TYK2: variants seen among roughly 807,000 people sequenced by gnomAD.
TYK2 encodes the protein tyrosine kinase 2.
TYK2 carries 65 observed loss-of-function variants against 130.9 expected under a neutral mutation model. The observed-to-expected ratio is 0.50, with a 90% CI of 0.41 to 0.61. The LOEUF is 0.61. Ranked by LOEUF, TYK2 falls within the 20% of genes least tolerant of loss-of-function variation. The pLI is 0.00. For missense variants in TYK2, 1,378 were observed against 1,610.7 expected (o/e 0.86, Z 2.47); for synonymous variants, 647 against 658.9 (o/e 0.98, Z 0.28).
rs766131781 is a variant in TYK2, at chr19:10,359,252, G to A, written c.2098C>T (p.Arg700Trp). 65 of 1,611,380 alleles carry A rather than the reference G, an allele frequency of 4.0e-5. No individual in the cohort carries two copies. The East Asian group carries it at 4.5e-4, about 11-fold the overall frequency. Residue 700 changes from arginine (R) to tryptophan (W), a missense_variant, in exon 15 of 25, where the codon CGG becomes TGG. Physicochemically the swap from Arg to Trp is moderately radical, Grantham distance 101 (BLOSUM62 -3). Transcript: ENST00000525621. ...ATGGGCACATGGCCCCGCTCCCTCC[G>A]CAGCCACACATCCAGGGGTCCGTGC... ...VEHGPLDVWLRRERGHVPMAW... is the reference protein window; with the variant it reads ...VEHGPLDVWLWRERGHVPMAW...
At position 10,354,029 on chromosome 19, in the gene TYK2, G is replaced by A. The variant is rs371551753; in HGVS notation, c.2908+13C>T. 1.4e-5 allele frequency: 22 copies of A among 1,613,618 alleles called. No homozygotes were observed. Among genetic ancestry groups the A allele is most frequent in the Non-Finnish European group, 1.9e-5 (22 of 1,179,820 alleles). On this transcript the variant is annotated intron_variant, in intron 20 of 24. Coordinates refer to ENST00000525621, the MANE Select transcript of TYK2 (RefSeq NM_003331.5). Reference sequence around the variant, plus strand: ...CCCCCTCAAGTCTCTAGGACTCGCCGGGTCCCGCCCACCTTGGTCCTCGCA... The same window carrying A: ...CCCCCTCAAGTCTCTAGGACTCGCCAGGTCCCGCCCACCTTGGTCCTCGCA...
chr19:10,362,012 C>T, intron 12 of TYK2, 57 bp from the exon 13 acceptor site: 2 of 1,613,380 alleles, frequency 1.2e-6, no homozygotes, highest in South Asian at 2.2e-5. Flanking sequence ...GCTGATCTCC[C>T]AGGGCCCCCA....
Position 10,361,247 on chromosome 19 carries a change from G to C in TYK2, c.2047+264C>G. 2 of 601,024 alleles carry C rather than the reference G, an allele frequency of 3.3e-6. No individual in the cohort carries two copies. Among genetic ancestry groups the C allele is most frequent in the East Asian group, 5.7e-5 (2 of 35,356 alleles). 37.2% of individuals were successfully genotyped at this position (601,024 alleles called of 1,614,324 possible). A position where few individuals can be genotyped will look rare whatever the true frequency, so the allele number is the denominator to read the frequency against. On this transcript the variant is annotated intron_variant, in intron 14 of 24. Coordinates refer to ENST00000525621, the MANE Select transcript of TYK2 (RefSeq NM_003331.5). This position sits in a 1 kb window ranked among gnomAD's most constrained non-coding sequence, Gnocchi z 4.0. ...TGTTTGGGAGGTTGATGGAAGTGGG[G>C]ATGTAGTTGGGAATCAGGGTGGGGG...
At chr19:10,373,610 C>T (rs1476546415) in intron 3 of TYK2, among the ~76,000 whole-genome samples, 2 of 152,038 alleles carry the variant, frequency 1.3e-5, no homozygotes, top group African/African-American at 2.4e-5. Context: ...GGATTACAGG[C>T]GTGACCCACT....
intron 17 of TYK2, chr19:10,357,400 C>T: frequency 1.5e-6 from 1 of 648,480 alleles, no homozygotes; most frequent in South Asian, 1.7e-5. Context: ...AAAATAAAAC[C>T]ACCACACTCA....
At chr19:10,376,044 C>G (rs1347373132) in intron 3 of TYK2, among the ~76,000 whole-genome samples, 1 of 144,554 alleles carries the variant, frequency 6.9e-6, no homozygotes, top group Admixed American at 7.0e-5. Context: ...TGGAGTTTCG[C>G]TCTTGTTGCC....
rs34312183 is a variant in TYK2, at chr19:10,368,103, C to T, written c.417G>A (p.Gln139=). ...AGGCTGGGTCCAGGAGTTGCATCCC[C>T]TGTGCTGTCTGATCTGAGGATGCCT... ...GTEASSDQTA[Q]GMQLLDPASF... Residue 139 remains glutamine (Q), a synonymous_variant, in exon 5 of 25, where the codon CAG becomes CAA. Coordinates refer to ENST00000525621, the MANE Select transcript of TYK2 (RefSeq NM_003331.5). 3 of 1,614,084 alleles carry T rather than the reference C, an allele frequency of 1.9e-6. No homozygotes were observed. Among genetic ancestry groups the T allele is most frequent in the Non-Finnish European group, 2.5e-6 (3 of 1,180,016 alleles).
intron 7 of TYK2, 73 bp from the exon 8 acceptor site, chr19:10,365,121 G>A (rs1599350638): frequency 1.6e-5 from 24 of 1,458,044 alleles, no homozygotes; most frequent in Non-Finnish European, 2.2e-5. Flanking sequence ...TTTCCCCTGG[G>A]GAGAGACTGG....
At chr19:10,362,715 C>G in intron 9 of TYK2, 58 bp from the exon 10 acceptor site, 1 of 1,445,816 alleles carries the variant, frequency 6.9e-7, no homozygotes, top group Non-Finnish European at 9.5e-7. Flanking sequence ...GACCCATACC[C>G]GGGAACAATG....
chr19:10,377,536 ATGGATGGATGGG>A (rs2042178071), intron 3 of TYK2, among the ~76,000 whole-genome samples: 2 of 64,820 alleles, frequency 3.1e-5, no homozygotes, highest in Non-Finnish European at 6.1e-5. Flanking sequence ...GGATGGATGG[ATGGATGGATGGG>A]TGGGTGGGTG....
chr19:10,356,846 G>T, intron 17 of TYK2, 128 bp from the exon 18 acceptor site: 1 of 926,722 alleles, frequency 1.1e-6, no homozygotes, highest in Non-Finnish European at 1.7e-6. Flanking sequence ...TTATACAGAT[G>T]AGGCAACTGA....
chr19:10,362,489 G>T, intron 10 of TYK2, 33 bp from the exon 11 acceptor site: 1 of 1,572,272 alleles, frequency 6.4e-7, no homozygotes, highest in Non-Finnish European at 8.6e-7. Context: ...GGAGCAGTAA[G>T]CAGGGGACCA....
At chr19:10,370,417 C>T (rs778015949) in intron 3 of TYK2, among the ~76,000 whole-genome samples, 17 of 148,008 alleles carry the variant, frequency 1.1e-4, no homozygotes, top group Non-Finnish European at 2.1e-4. Context: ...CGGAGGTTGA[C>T]GCAGGACAAT....
At chr19:10,351,332 C>T (rs2040794144) in intron 23 of TYK2, 170 bp from the exon 24 acceptor site, 1 of 538,624 alleles carries the variant, frequency 1.9e-6, no homozygotes, top group African/African-American at 1.9e-5. Context: ...ACTAAAAATA[C>T]AAAAATTAGC....
chr19:10,368,279 A>G lies in TYK2; in HGVS notation c.317+16T>C. 1 of 1,614,202 alleles carries G rather than the reference A, an allele frequency of 6.2e-7. No homozygotes were observed. Among genetic ancestry groups the G allele is most frequent in the South Asian group, 1.1e-5 (1 of 91,092 alleles). ...CAGCACAGGAGGGGACGAGCTTTGC[A>G]AAGGTCTCCACCCACCTTATGCGGA... On this transcript the variant is annotated intron_variant, in intron 4 of 24. Transcript: ENST00000525621.
intron 19 of TYK2, 110 bp from the exon 20 acceptor site, chr19:10,354,344 G>A (rs1400636199): frequency 9.8e-6 from 14 of 1,424,312 alleles, no homozygotes; most frequent in Non-Finnish European, 1.4e-5. Flanking sequence ...GAATACCCCA[G>A]GCCCCGCCTA....
chr19:10,367,821 G>C (rs776535655), intron 5 of TYK2, among the ~76,000 whole-genome samples: 3 of 151,560 alleles, frequency 2.0e-5, no homozygotes, highest in Non-Finnish European at 2.9e-5. Flanking sequence ...TTGGGAGGCT[G>C]AGGCAGGAAA....
Position 10,353,333 on chromosome 19 carries a change from C to T in TYK2, c.3027+195G>A. 1.8e-6 allele frequency: 1 copy of T among 568,642 alleles called. No individual in the cohort carries two copies. The highest frequency in any genetic ancestry group is 3.0e-6 in the Non-Finnish European group (1 of 328,440). The allele number at this position is 568,642 out of a possible 1,614,324, so 35.2% of individuals were successfully genotyped here. A position where few individuals can be genotyped will look rare whatever the true frequency, so the allele number is the denominator to read the frequency against. On this transcript the variant is annotated intron_variant, in intron 21 of 24. Coordinates refer to ENST00000525621, the MANE Select transcript of TYK2 (RefSeq NM_003331.5). This position sits in a 1 kb window ranked among gnomAD's most constrained non-coding sequence, Gnocchi z 6.9. ...GAGGGCGAGTTGGGAGGGGCCGAGC[C>T]GGCTGTGCGTGGTCCCTTGGGAGGA...
At chr19:10,367,120 A>G (rs2041697996) in intron 5 of TYK2, among the ~76,000 whole-genome samples, 1 of 152,160 alleles carries the variant, frequency 6.6e-6, no homozygotes, top group African/African-American at 2.4e-5. Context: ...GCTTCATTCA[A>G]AGCTGTCCTG....
Sources: allele counts gnomAD v4.1 joint callset (sites outside exome capture counted in the v4.1 genomes callset), GRCh38; gene constraint gnomAD v4.1.1; non-coding constraint Gnocchi (gnomAD v3.1); transcripts MANE v1.5; gene names NCBI Gene and HGNC (gene_info 2026-07-23, HGNC 2026-07-21).